The following PDE4D variants were observed in gnomAD, a reference collection of about 807,000 sequenced individuals.
PDE4D encodes the protein 3',5'-cyclic-AMP phosphodiesterase 4D.
A neutral mutation model predicts 87.4 loss-of-function variants in PDE4D; 24 were observed. That is an observed-to-expected ratio of 0.27 (90% CI 0.20 to 0.39). PDE4D has a LOEUF of 0.39. PDE4D is among the 10% of genes least tolerant of loss of function. The pLI is 1.00. For missense variants in PDE4D, 714 were observed against 1,041.0 expected, an observed-to-expected ratio of 0.69 and a Z score of 4.32; for synonymous variants, 384 against 383.2, an observed-to-expected ratio of 1.00 and a Z score of -0.02.
At chr5:60,402,387 C>G (rs1205478991) in intron 1 of PDE4D, among the ~76,000 whole-genome samples, 1 of 152,212 alleles carries the variant, frequency 6.6e-6, no homozygotes, top group South Asian at 2.1e-4. Context: ...CTACATGGAA[C>G]AGCTGTGAGT....
At chr5:59,937,408 G>A (rs140832451) in intron 3 of PDE4D, among the ~76,000 whole-genome samples, 1 of 152,042 alleles carries the variant, frequency 6.6e-6, no homozygotes, top group East Asian at 1.9e-4. Context: ...AGTCAGCTTA[G>A]GTTGTCATAA....
At chr5:59,056,891 A>G (rs914493662) in intron 5 of PDE4D, among the ~76,000 whole-genome samples, 3 of 152,156 alleles carry the variant, frequency 2.0e-5, no homozygotes, top group African/African-American at 7.2e-5. Flanking sequence ...GAGCTGCCAG[A>G]TAAGGGAGTG....
At chr5:59,058,795 G>GT (rs1237291825) in intron 5 of PDE4D, among the ~76,000 whole-genome samples, 10 of 151,914 alleles carry the variant, frequency 6.6e-5, no homozygotes, top group African/African-American at 2.4e-4. Context: ...AATCACTTCC[G>GT]TAAGTTTAAG....
chr5:60,115,980 T>C (rs1237742203), intron 2 of PDE4D, among the ~76,000 whole-genome samples: 1 of 152,126 alleles, frequency 6.6e-6, no homozygotes, highest in Non-Finnish European at 1.5e-5. Context: ...CAACTTAGTA[T>C]AGAAGATTTA....
intron 1 of PDE4D, among the ~76,000 whole-genome samples, chr5:59,341,689 T>C (rs1778759331): frequency 1.3e-5 from 2 of 152,194 alleles, no homozygotes; most frequent in Non-Finnish European, 2.9e-5. Context: ...CATGTATGTA[T>C]GCATGGCGTA....
In PDE4D at chr5:59,893,540, G is replaced by T; in HGVS notation, c.83C>A (p.Ala28Asp). ...CTCGTGCCTCCAGAGATGCTTGGGG[G>T]CTTTGAGCGTGGCCCCGCCGGCGCT... is the stretch of plus-strand genomic sequence containing the variant. ...SDSAGGATLK[A>D]PKHLWRHEQH... The change falls in exon 1 of 15, where the codon GCC (alanine) becomes GAC (aspartate). Residue 28 changes from alanine (A) to aspartate (D), a missense_variant. Coordinates refer to ENST00000340635, the MANE Select transcript of PDE4D (RefSeq NM_001104631.2). The T allele has an allele frequency of 6.5e-7, 1 of 1,540,442 alleles. No homozygotes were observed. The highest frequency in any genetic ancestry group is 1.2e-5 in the South Asian group (1 of 82,796).
intron 1 of PDE4D, among the ~76,000 whole-genome samples, chr5:59,384,703 T>C (rs1052757223): frequency 1.3e-5 from 2 of 152,198 alleles, no homozygotes; most frequent in Admixed American, 6.5e-5. Flanking sequence ...GTGAATGCTC[T>C]TTCTCAAGTC....
chr5:60,369,641 T>C (rs1760845128), intron 1 of PDE4D, among the ~76,000 whole-genome samples: 1 of 152,112 alleles, frequency 6.6e-6, no homozygotes, highest in Non-Finnish European at 1.5e-5. Flanking sequence ...GGGACTTCCT[T>C]ACCTTGCCTT....
chr5:59,160,145 A>C (rs980109164), intron 5 of PDE4D, among the ~76,000 whole-genome samples: 2 of 152,228 alleles, frequency 1.3e-5, no homozygotes, highest in Admixed American at 1.3e-4. Context: ...TTTTCTCTTA[A>C]ATGAAATGTA....
chr5:59,685,104 T>G (rs778830029), intron 1 of PDE4D, among the ~76,000 whole-genome samples: 1 of 152,210 alleles, frequency 6.6e-6, no homozygotes, highest in Non-Finnish European at 1.5e-5. Context: ...ATGAAGCAAA[T>G]TGGGACTTTG....
chr5:60,335,193 T>A (rs910463710), intron 1 of PDE4D: 2 of 152,196 alleles, frequency 1.3e-5, no homozygotes, highest in Non-Finnish European at 2.9e-5. Flanking sequence ...GAACCACTAA[T>A]ACGCTATTGC....
intron 1 of PDE4D, among the ~76,000 whole-genome samples, chr5:59,751,502 C>T (rs1469607783): frequency 1.3e-5 from 2 of 151,766 alleles, no homozygotes; most frequent in African/African-American, 4.8e-5. Context: ...CAAAATGTCA[C>T]TTCCTGTTAT....
At chr5:59,916,780 C>T (rs912875921) in intron 3 of PDE4D, among the ~76,000 whole-genome samples, 5 of 151,534 alleles carry the variant, frequency 3.3e-5, no homozygotes, top group African/African-American at 9.7e-5. Flanking sequence ...TATAAAACTA[C>T]ATAGATTCCT....
chr5:60,232,585 A>G (rs1410634897), intron 1 of PDE4D, among the ~76,000 whole-genome samples: 1 of 151,904 alleles, frequency 6.6e-6, no homozygotes, highest in Non-Finnish European at 1.5e-5. Context: ...CACTGCAATG[A>G]AAAAGGCTAT....
chr5:59,082,553 G>T (rs1449896423), intron 5 of PDE4D, among the ~76,000 whole-genome samples: 1 of 151,892 alleles, frequency 6.6e-6, no homozygotes, highest in Non-Finnish European at 1.5e-5. Flanking sequence ...ATACCAGTTA[G>T]AAAATAGATA....
rs183343840 is a variant in PDE4D at position 59,938,535 on chromosome 5, A to T, written c.272+49953T>A. ...CTGCTTACTCCAAGGATATTTCTACATTATAGGCCAAAAAGGCTTCAGACA... is the reference window on the plus strand; with the variant it reads ...CTGCTTACTCCAAGGATATTTCTACTTTATAGGCCAAAAAGGCTTCAGACA... On this transcript the variant is annotated intron_variant, in intron 3 of 16. Transcript: ENST00000502484. Among the ~76,000 whole-genome samples, 4 of 152,294 alleles carry T rather than the reference A, an allele frequency of 2.6e-5. No homozygotes were observed. In the East Asian group the frequency reaches 7.7e-4, roughly 29 times the overall value.
chr5:60,085,407 C>T, intron 2 of PDE4D, among the ~76,000 whole-genome samples: 1 of 152,166 alleles, frequency 6.6e-6, no homozygotes. Context: ...TTCCTCACTT[C>T]CTAACCTCCA....
intron 6 of PDE4D, among the ~76,000 whole-genome samples, chr5:59,005,825 C>A (rs1018939976): frequency 6.6e-6 from 1 of 152,198 alleles, no homozygotes. Flanking sequence ...AGTCCTTGCT[C>A]TTAATGGTGT....
intron 1 of PDE4D, among the ~76,000 whole-genome samples, chr5:60,286,031 T>C (rs1256063847): frequency 6.6e-6 from 1 of 152,232 alleles, no homozygotes; most frequent in African/African-American, 2.4e-5. Flanking sequence ...CTGGTATCAA[T>C]GAAGACATTT....
Sources: allele counts gnomAD v4.1 joint callset (sites outside exome capture counted in the v4.1 genomes callset), GRCh38; gene constraint gnomAD v4.1.1; transcripts MANE v1.5; gene names NCBI Gene and HGNC (gene_info 2026-07-23, HGNC 2026-07-21).